The following ZHX2 variants were observed in gnomAD, a reference collection of about 807,000 sequenced individuals.
The protein encoded by ZHX2 is zinc fingers and homeoboxes protein 2.
A neutral mutation model predicts 21.9 loss-of-function variants in ZHX2; 6 were observed. The ratio of observed to expected loss-of-function variants is 0.27; its 90% CI spans 0.15 to 0.54. ZHX2 has a LOEUF of 0.54. Ranked by LOEUF, ZHX2 falls within the 20% of genes least tolerant of loss-of-function variation. The probability of loss-of-function intolerance (pLI) is 0.95; values close to 1 mark genes in which losing one functional copy is unlikely to be tolerated. For missense variants in ZHX2, 908 were observed against 1,090.7 expected, an observed-to-expected ratio of 0.83 and a Z score of 2.36; for synonymous variants, 434 against 437.1, an observed-to-expected ratio of 0.99 and a Z score of 0.09.
chr8:122,785,509 C>T (rs1245006306), intron 1 of ZHX2, among the ~76,000 whole-genome samples: 2 of 152,222 alleles, frequency 1.3e-5, no homozygotes, highest in Non-Finnish European at 2.9e-5. Flanking sequence ...AGAGCTTTTA[C>T]CCAGTACAGC....
At chr8:122,786,424 G>A (rs1817396410) in intron 1 of ZHX2, among the ~76,000 whole-genome samples, 1 of 152,020 alleles carries the variant, frequency 6.6e-6, no homozygotes, top group Non-Finnish European at 1.5e-5. Context: ...CTTTGCTCAG[G>A]GTATTACCTT....
In ZHX2 at chr8:122,952,584, G is replaced by A. The variant is rs770232240; in HGVS notation, c.1074G>A (p.Thr358=). The A allele has an allele frequency of 7.1e-5, 115 of 1,614,014 alleles. No homozygotes were observed. Among genetic ancestry groups the A allele is most frequent in the Non-Finnish European group, 8.3e-5 (98 of 1,180,046 alleles). ...LPAQLAPTKV[T]QPILQTALPC... is the part of the protein sequence containing the mutation. ...CCCAGTTGGCCCCCACAAAGGTGAC[G>A]CAGCCCATCCTCCAGACGGCTCTAC... Residue 358 remains threonine (T), a synonymous_variant, in exon 3 of 4, where the codon ACG becomes ACA. Transcript: ENST00000314393. The surrounding 1 kb of genome is among the most constrained non-coding windows in gnomAD (Gnocchi z 6.9).
chr8:122,947,146 G>A (rs924148437), intron 2 of ZHX2, among the ~76,000 whole-genome samples: 5 of 151,150 alleles, frequency 3.3e-5, no homozygotes, highest in African/African-American at 9.7e-5. Flanking sequence ...TATGCGTGTG[G>A]TCCCAACTTC....
chr8:122,809,001 T>C (rs2130598751), intron 1 of ZHX2: 1 of 152,362 alleles, frequency 6.6e-6, no homozygotes, highest in South Asian at 2.1e-4. Flanking sequence ...GATTGGTCTT[T>C]TTTGCAACCT....
At chr8:122,924,326 C>T (rs948599929) in intron 2 of ZHX2, among the ~76,000 whole-genome samples, 2 of 152,194 alleles carry the variant, frequency 1.3e-5, no homozygotes, top group African/African-American at 4.8e-5. Flanking sequence ...CATCTTCCCT[C>T]AGTGCCTGTC....
chr8:122,906,184 A>G (rs1158458908), intron 2 of ZHX2, among the ~76,000 whole-genome samples: 2 of 152,204 alleles, frequency 1.3e-5, no homozygotes, highest in African/African-American at 4.8e-5. Context: ...TCTAATAGCT[A>G]TTTTTTTGAA....
chr8:122,838,541 C>T (rs1195432984), intron 1 of ZHX2, among the ~76,000 whole-genome samples: 1 of 149,284 alleles, frequency 6.7e-6, no homozygotes, highest in Non-Finnish European at 1.5e-5. Flanking sequence ...ACCTTTCGAT[C>T]ATATATGAAG....
At chr8:122,788,528 C>T (rs1430070898) in intron 1 of ZHX2, among the ~76,000 whole-genome samples, 3 of 152,146 alleles carry the variant, frequency 2.0e-5, no homozygotes, top group Non-Finnish European at 4.4e-5. Flanking sequence ...GATCACGTCA[C>T]TGCACTCCAG....
intron 2 of ZHX2, among the ~76,000 whole-genome samples, chr8:122,879,733 T>C (rs1248896843): frequency 1.3e-5 from 2 of 152,100 alleles, no homozygotes; most frequent in Non-Finnish European, 2.9e-5. Flanking sequence ...TCGGGCCACG[T>C]TCCCACACAC....
intron 2 of ZHX2, among the ~76,000 whole-genome samples, chr8:122,926,453 C>A (rs1211233032): frequency 6.6e-6 from 1 of 152,162 alleles, no homozygotes; most frequent in Admixed American, 6.5e-5. Context: ...TGTAACTGAG[C>A]CTTTAAAAGG....
intron 2 of ZHX2, among the ~76,000 whole-genome samples, chr8:122,924,937 TCTC>T (rs920464307): frequency 6.6e-6 from 1 of 152,188 alleles, no homozygotes; most frequent in Non-Finnish European, 1.5e-5. Context: ...TTCACAGGTC[TCTC>T]CTCCTCCTTT....
chr8:122,824,215 GC>G (rs1477523322), intron 1 of ZHX2, among the ~76,000 whole-genome samples: 5 of 152,104 alleles, frequency 3.3e-5, no homozygotes, highest in African/African-American at 1.2e-4. Context: ...TTTCTTTATG[GC>G]ATTAATGACT....
intron 2 of ZHX2, among the ~76,000 whole-genome samples, chr8:122,878,766 T>G (rs1819628807): frequency 6.6e-6 from 1 of 152,164 alleles, no homozygotes; most frequent in Admixed American, 6.5e-5. Context: ...ACCAGTAACT[T>G]GTTTCTAGAA....
In ZHX2 at chr8:122,952,446, C is replaced by T. The variant is rs1813146358; in HGVS notation, c.936C>T (p.Thr312=). 1 of 1,614,054 alleles carries T rather than the reference C, an allele frequency of 6.2e-7. No homozygotes were observed. Among genetic ancestry groups the T allele is most frequent in the Admixed American group, 1.7e-5 (1 of 60,004 alleles). The change falls in exon 3 of 4, where the codon ACC becomes ACT. Residue 312 remains threonine (T), a synonymous_variant. Coordinates refer to ENST00000314393, the MANE Select transcript of ZHX2 (RefSeq NM_014943.5). The surrounding 1 kb of genome is among the most constrained non-coding windows in gnomAD (Gnocchi z 6.9). ...PEEHIRIWFA[T]QRLKHGISWS... Reference sequence around the variant, plus strand: ...AGCACATCAGAATCTGGTTTGCCACCCAGCGCTTAAAGCATGGCATCAGCT... The same window carrying T: ...AGCACATCAGAATCTGGTTTGCCACTCAGCGCTTAAAGCATGGCATCAGCT...
intron 1 of ZHX2, among the ~76,000 whole-genome samples, chr8:122,787,677 C>T (rs552716032): frequency 4.6e-5 from 7 of 152,318 alleles, no homozygotes; most frequent in African/African-American, 1.7e-4. Context: ...GGGAGGAAAT[C>T]TTCCCTGTTG....
chr8:122,856,647 A>T (rs1431499936), intron 1 of ZHX2, among the ~76,000 whole-genome samples: 1 of 152,128 alleles, frequency 6.6e-6, no homozygotes, highest in African/African-American at 2.4e-5. Context: ...TTGGAGCCAG[A>T]GTTCCCTGAG....
At chr8:122,915,430 T>C (rs1479857545) in intron 2 of ZHX2, among the ~76,000 whole-genome samples, 1 of 152,218 alleles carries the variant, frequency 6.6e-6, no homozygotes, top group African/African-American at 2.4e-5. Flanking sequence ...ATGGACAGTG[T>C]GTTCCCTTTA....
intron 1 of ZHX2, among the ~76,000 whole-genome samples, chr8:122,811,071 CA>C (rs1162198608): frequency 6.6e-6 from 1 of 152,158 alleles, no homozygotes; most frequent in Non-Finnish European, 1.5e-5. Context: ...AGATGTTGAA[CA>C]GGTGGAAATC....
chr8:122,923,949 T>A (rs1820794783), intron 2 of ZHX2, among the ~76,000 whole-genome samples: 1 of 152,174 alleles, frequency 6.6e-6, no homozygotes, highest in African/African-American at 2.4e-5. Context: ...GGCATTTCCA[T>A]CCCAAGTCAT....
Sources: allele counts gnomAD v4.1 joint callset (sites outside exome capture counted in the v4.1 genomes callset), GRCh38; gene constraint gnomAD v4.1.1; non-coding constraint Gnocchi (gnomAD v3.1); transcripts MANE v1.5; gene names NCBI Gene and HGNC (gene_info 2026-07-23, HGNC 2026-07-21).